Variants in TJP1 observed in about 807,000 individuals in gnomAD.
TJP1 encodes the protein tight junction protein ZO-1.
TJP1 carries 43 observed loss-of-function variants against 194.2 expected under a neutral mutation model. That is an observed-to-expected ratio of 0.22 (90% CI 0.17 to 0.29). TJP1 has a LOEUF of 0.29. Among genes scored for constraint, TJP1 ranks in the 10% least tolerant of loss-of-function variants. TJP1 has a pLI of 1.00. For missense variants in TJP1, 1,971 were observed against 2,185.7 expected, an observed-to-expected ratio of 0.90 and a Z score of 1.96; for synonymous variants, 801 against 779.0, an observed-to-expected ratio of 1.03 and a Z score of -0.47.
In TJP1 at chr15:29,716,832, T is replaced by C; in HGVS notation, c.3981A>G (p.Pro1327=). 6.2e-7 allele frequency: 1 copy of C among 1,600,160 alleles called. No homozygotes were observed. Among genetic ancestry groups the C allele is most frequent in the Non-Finnish European group, 8.6e-7 (1 of 1,168,672 alleles). The change falls in exon 23 of 28, where the codon CCA becomes CCG. Residue 1327 remains proline (P), a synonymous_variant. Coordinates refer to ENST00000614355, the MANE Select transcript of TJP1 (RefSeq NM_001330239.4). ...SEHDKTLYRI[P]EPQKPQLKPP... ...GCTTCAGTTGAGGTTTTTGAGGTTC[T>C]GGGATCCTAACAGATAATGAATGAC...
At position 29,710,923 on chromosome 15, in the gene TJP1, G is replaced by C. The variant is rs1414433821; in HGVS notation, c.4280C>G (p.Pro1427Arg). ...KRYEPIQATP[P>R]PPPLPSQYAQ... ...ATACTGCGAGGGCAATGGAGGAGGA[G>C]GGGGAGTGGCCTGGATGGGTTCATA... is the stretch of plus-strand genomic sequence containing the variant. Residue 1427 changes from proline (P) to arginine (R), a missense_variant, in exon 24 of 28, where the codon CCT becomes CGT. This residue lies in a region of TJP1 where 1,108 missense variants were observed against 1,128.5 expected (regional missense o/e 0.98). Coordinates refer to ENST00000614355, the MANE Select transcript of TJP1 (RefSeq NM_001330239.4). 5 of 1,614,042 alleles carry C rather than the reference G, an allele frequency of 3.1e-6. No individual in the cohort carries two copies. The highest frequency in any genetic ancestry group is 2.7e-5 in the African/African-American group (2 of 74,916).
chr15:29,784,253 T>C lies in TJP1; in HGVS notation c.85-10896A>G, dbSNP rs147585783. 1.4e-4 allele frequency among the ~76,000 whole-genome samples: 21 copies of C among 152,236 alleles called. No individual in the cohort carries two copies. The East Asian group carries it at 4.1e-3, about 29-fold the overall frequency. On this transcript the variant is annotated intron_variant, in intron 2 of 27. Coordinates refer to ENST00000614355, the MANE Select transcript of TJP1 (RefSeq NM_001330239.4). ...AACTCAGGAGGACTAATACCAAAAA[T>C]ATATTTAAATGACTAAATTTTAAGA...
chr15:29,826,605 T>C (rs534943469), upstream of TJP1, among the ~76,000 whole-genome samples: 10 of 152,342 alleles, frequency 6.6e-5, no homozygotes, highest in South Asian at 2.1e-3. Flanking sequence ...CCCCAAGGGT[T>C]ATGAATTCCA....
chr15:29,774,983 G>A (rs957464334), intron 2 of TJP1, among the ~76,000 whole-genome samples: 9 of 152,056 alleles, frequency 5.9e-5, no homozygotes, highest in Admixed American at 1.3e-4. Flanking sequence ...AATTTTAAAC[G>A]GAAAACTTCA....
chr15:29,931,698 C>T (rs932522565), intron 2 of TJP1, among the ~76,000 whole-genome samples: 1 of 152,086 alleles, frequency 6.6e-6, no homozygotes, highest in African/African-American at 2.4e-5. Context: ...AAAGGAGTCC[C>T]GATCCAGACC....
intron 4 of TJP1, among the ~76,000 whole-genome samples, chr15:29,767,288 T>C (rs1474919733): frequency 6.6e-6 from 1 of 152,210 alleles, no homozygotes; most frequent in African/African-American, 2.4e-5. Flanking sequence ...GACTACACTT[T>C]GCCTTCTCAC....
At chr15:29,754,417 G>A (rs765638986) in intron 8 of TJP1, among the ~76,000 whole-genome samples, 12 of 152,030 alleles carry the variant, frequency 7.9e-5, no homozygotes, top group Non-Finnish European at 1.8e-4. Context: ...ATTGGATACT[G>A]GGTTTAACAT....
At chr15:29,928,717 G>A (rs575956333) in intron 2 of TJP1, among the ~76,000 whole-genome samples, 1 of 152,280 alleles carries the variant, frequency 6.6e-6, no homozygotes, top group South Asian at 2.1e-4. Context: ...GCCAAGGCGG[G>A]CAGATCACGA....
chr15:29,764,790 G>C (rs28675996), intron 5 of TJP1, among the ~76,000 whole-genome samples: 1 of 152,318 alleles, frequency 6.6e-6, no homozygotes, highest in Non-Finnish European at 1.5e-5. Context: ...CTGTGTTTCA[G>C]GGACCTACAG....
At chr15:29,856,309 G>A (rs373510825) in intron 2 of TJP1, among the ~76,000 whole-genome samples, 129 of 152,214 alleles carry the variant, frequency 8.5e-4, no homozygotes, top group African/African-American at 3.0e-3. Flanking sequence ...ATACAACATA[G>A]ATGAACCTTG....
intron 2 of TJP1, among the ~76,000 whole-genome samples, chr15:29,888,493 A>G (rs1171992269): frequency 6.6e-6 from 1 of 152,168 alleles, no homozygotes; most frequent in Non-Finnish European, 1.5e-5. Flanking sequence ...AGATCATCCT[A>G]AAGTTCCAAT....
At chr15:29,775,601 C>T (rs188871599) in intron 2 of TJP1, among the ~76,000 whole-genome samples, 1 of 152,242 alleles carries the variant, frequency 6.6e-6, no homozygotes, top group Admixed American at 6.5e-5. Flanking sequence ...GGAACATACA[C>T]CCCATGGCTC....
Position 29,708,800 on chromosome 15 carries a change from G to A in TJP1, c.4609C>T (p.Arg1537Ter). 1 of 1,614,154 alleles carries A rather than the reference G, an allele frequency of 6.2e-7. No homozygotes were observed. The highest frequency in any genetic ancestry group is 8.5e-7 in the Non-Finnish European group (1 of 1,180,032). Residue 1537 changes from arginine (R) to a stop codon, truncating the protein, a stop_gained, in exon 25 of 28, where the codon CGA (arginine) becomes TGA (stop). Coordinates refer to ENST00000614355, the MANE Select transcript of TJP1 (RefSeq NM_001330239.4). LOFTEE classifies it high-confidence loss of function. ...CTTTCAAACTTGCGTTCAAATGGTC[G>A]GGCAGAACTTGTATATGGTTTTGGT... ...FTPKPYTSSARPFERKFESPK... is the reference protein window; with the variant it reads ...FTPKPYTSSA
intron 2 of TJP1, among the ~76,000 whole-genome samples, chr15:29,931,757 C>T (rs184151176): frequency 1.3e-5 from 2 of 152,064 alleles, no homozygotes; most frequent in Admixed American, 6.5e-5. Context: ...CAGGTGAGTC[C>T]GTAAAGTGAA....
chr15:29,950,296 T>C (rs1388875710), intron 2 of TJP1, among the ~76,000 whole-genome samples: 10 of 103,904 alleles, frequency 9.6e-5, no homozygotes, highest in East Asian at 3.1e-4. Flanking sequence ...TCACCACCGC[T>C]ACCTCCACCA....
rs543209145 is a variant in TJP1 at position 29,787,614 on chromosome 15, G to A, written c.84+13032C>T. Among the ~76,000 whole-genome samples, 15 of 152,226 alleles carry A rather than the reference G, an allele frequency of 9.9e-5. No homozygotes were observed. The South Asian group carries it at 2.7e-3, about 27-fold the overall frequency. ...AATCACATAATATATGTTCTTTTAT[G>A]ACTGGCATCTTTCAGTTAGCATAAT... On this transcript the variant is annotated intron_variant, in intron 2 of 27. Coordinates refer to ENST00000614355, the MANE Select transcript of TJP1 (RefSeq NM_001330239.4).
In TJP1 at chr15:29,788,296, A is replaced by G. The variant is rs1186113345; in HGVS notation, c.84+12350T>C. ...TCTTGATGGTGTCCTTTGAAGCACAAAAGTTTCTAATTTTGATGGGGTCCA... is the reference window on the plus strand; with the variant it reads ...TCTTGATGGTGTCCTTTGAAGCACAGAAGTTTCTAATTTTGATGGGGTCCA... On this transcript the variant is annotated intron_variant, in intron 2 of 27. Transcript: ENST00000614355. Among the ~76,000 whole-genome samples, 5 of 152,136 alleles carry G rather than the reference A, an allele frequency of 3.3e-5. No individual in the cohort carries two copies. In the South Asian group the frequency reaches 6.2e-4, roughly 19 times the overall value.
intron 2 of TJP1, among the ~76,000 whole-genome samples, chr15:29,875,980 G>A (rs2052683970): frequency 6.6e-6 from 1 of 152,072 alleles, no homozygotes; most frequent in South Asian, 2.1e-4. Flanking sequence ...TGTCCAATAT[G>A]GTAACTGCTA....
At chr15:29,929,357 T>C (rs1307390180) in intron 2 of TJP1, among the ~76,000 whole-genome samples, 1 of 152,144 alleles carries the variant, frequency 6.6e-6, no homozygotes, top group East Asian at 1.9e-4. Flanking sequence ...TGTAGAGTTT[T>C]ACGTGTGTAT....
Sources: gnomAD v4.1 joint callset for allele counts (sites outside exome capture counted in the v4.1 genomes callset) on GRCh38, gnomAD v4.1.1 for gene constraint, gnomAD v4.1.1 regional missense constraint, MANE v1.5 for transcripts, NCBI Gene and HGNC (gene_info 2026-07-23, HGNC 2026-07-21) for gene names.